Variants in UMODL1 observed in about 807,000 individuals in gnomAD.
UMODL1 encodes uromodulin like 1.
A neutral mutation model predicts 136.3 loss-of-function variants in UMODL1; 128 were observed. The ratio of observed to expected loss-of-function variants is 0.94; its 90% confidence interval spans 0.81 to 1.09. The LOEUF is 1.09. UMODL1 is among the 50% of genes least tolerant of loss of function. The pLI is 0.00. For missense variants in UMODL1, 1,766 were observed against 1,725.6 expected (o/e 1.02, Z -0.41); for synonymous variants, 721 against 720.0 (o/e 1.00, Z -0.02).
chr21:42,135,548 A>G (rs11910458), intron 21 of UMODL1, among the ~76,000 whole-genome samples: 30,644 of 151,844 alleles, frequency 0.2, 3,928 homozygotes, highest in African/African-American at 0.36. Flanking sequence ...TGGTCTTTCT[A>G]CTCTGCATCC....
In UMODL1 at chr21:42,102,359, A is replaced by G. The variant is rs59809464; in HGVS notation, c.1299+81A>G. On this transcript the variant is annotated intron_variant, in intron 8 of 22. Coordinates refer to ENST00000408910, the MANE Select transcript of UMODL1 (RefSeq NM_001004416.3). Reference sequence around the variant, plus strand: ...AAACACAAGCCGTTAATTCCTGCCCAGCTCTTCCTCTGGGATTGTGGCAAA... The same window carrying G: ...AAACACAAGCCGTTAATTCCTGCCCGGCTCTTCCTCTGGGATTGTGGCAAA... 4.3e-3 allele frequency: 4,742 copies of G among 1,099,162 alleles called. 125 individuals carry two copies. The African/African-American group carries it at 0.065, about 15-fold the overall frequency. The allele number at this position is 1,099,162 out of a possible 1,614,324, so 68.1% of individuals were successfully genotyped here.
In UMODL1 at chr21:42,123,016, C is replaced by A; in HGVS notation, c.3013C>A (p.Arg1005Ser). The change falls in exon 17 of 23, where the codon CGC (arginine) becomes AGC (serine). Residue 1005 changes from arginine to serine, a missense_variant. Coordinates refer to ENST00000408910, the MANE Select transcript of UMODL1 (RefSeq NM_001004416.3). The surrounding 1 kb of genome is among the most constrained non-coding windows in gnomAD (Gnocchi z 4.4). ...IEKVVVAIQK[R>S]FLQQESIPES... ...GAAGGTGGTTGTCGCCATCCAGAAG[C>A]GCTTCCTGCAGCAGGAATCCATCCC... 3.1e-6 allele frequency: 5 copies of A among 1,614,040 alleles called. No homozygotes were observed. The highest frequency in any genetic ancestry group is 4.2e-6 in the Non-Finnish European group (5 of 1,180,030).
chr21:42,082,365 C>A (rs12106286), intron 2 of UMODL1, among the ~76,000 whole-genome samples: 16,340 of 152,192 alleles, frequency 0.11, 950 homozygotes, highest in Middle Eastern at 0.18. Context: ...CCCACCCTCG[C>A]GGGGGTGAGT....
chr21:42,122,643 G>A lies in UMODL1; in HGVS notation c.2828-188G>A, dbSNP rs220152. On this transcript the variant is annotated intron_variant, in intron 16 of 22. Coordinates refer to ENST00000408910, the MANE Select transcript of UMODL1 (RefSeq NM_001004416.3). The surrounding 1 kb of genome is among the most constrained non-coding windows in gnomAD (Gnocchi z 4.3). ...TGTGTGTGCATGCACGTGTGTGTAC[G>A]TGTGTGTGCATATGTGTGCGTGTGT... Among the ~76,000 whole-genome samples the A allele has an allele frequency of 4.1e-5, 6 of 147,488 alleles. No homozygotes were observed. Among genetic ancestry groups the A allele is most frequent in the South Asian group, 4.3e-4 (2 of 4,674 alleles).
chr21:42,096,976 T>G (rs1040468853), intron 6 of UMODL1, among the ~76,000 whole-genome samples: 2 of 152,160 alleles, frequency 1.3e-5, no homozygotes. Context: ...GGCCAGGCAG[T>G]GAGTGGGGGG....
chr21:42,101,566 G>A (rs550280096), intron 7 of UMODL1: 2 of 376,338 alleles, frequency 5.3e-6, no homozygotes, highest in South Asian at 2.0e-5. Flanking sequence ...CGACGCTTGG[G>A]TTGTGCATGC....
chr21:42,086,460 C>A, intron 4 of UMODL1: 1 of 451,670 alleles, frequency 2.2e-6, no homozygotes, highest in Non-Finnish European at 4.4e-6. Flanking sequence ...GGCCAGTGAG[C>A]TGCTAGACAG....
At chr21:42,074,077 G>A (rs561457819) in intron 1 of UMODL1, among the ~76,000 whole-genome samples, 19 of 152,196 alleles carry the variant, frequency 1.2e-4, no homozygotes, top group East Asian at 3.9e-4. Flanking sequence ...CACAGCCTGC[G>A]TGGCTTAAAC....
chr21:42,122,486 G>C lies in UMODL1; in HGVS notation c.2828-345G>C, dbSNP rs549579068. ...CAGGTCCCTCGGTCCTTGGCCCTCG[G>C]GGGCCCATGGTGAGCCTGGATCCCT... On this transcript the variant is annotated intron_variant, in intron 16 of 22. Coordinates refer to ENST00000408910, the MANE Select transcript of UMODL1 (RefSeq NM_001004416.3). The surrounding 1 kb of genome is among the most constrained non-coding windows in gnomAD (Gnocchi z 4.3). Among the ~76,000 whole-genome samples the C allele has an allele frequency of 6.6e-6, 1 of 152,324 alleles. No homozygotes were observed. The highest frequency in any genetic ancestry group is 2.1e-4 in the South Asian group (1 of 4,830).
chr21:42,138,296 C>T (rs193049298), intron 22 of UMODL1, among the ~76,000 whole-genome samples: 1 of 152,278 alleles, frequency 6.6e-6, no homozygotes, highest in East Asian at 1.9e-4. Context: ...CGATGGTCCT[C>T]GGCCGAGTGT....
In UMODL1 at chr21:42,113,607, T is replaced by A; in HGVS notation, c.2139T>A (p.Asn713Lys). 1 of 1,614,100 alleles carries A rather than the reference T, an allele frequency of 6.2e-7. No individual in the cohort carries two copies. Residue 713 changes from asparagine to lysine, a missense_variant, in exon 13 of 23, where the codon AAT becomes AAA. Transcript: ENST00000408910. ...CCATTGGGAGGATCATGGTCTCCAA[T>A]GTGACCAGCACCGGCTTCCACCTGG... ...PVSIGRIMVS[N>K]VTSTGFHLAW...
In UMODL1 at chr21:42,140,846, C is replaced by A. The variant is rs1317084613; in HGVS notation, c.*22-1250C>A. ...GAACAACAGCGAAGTTTCAGTTCAA[C>A]TTTACACTCTAATAGTGAAAAATAA... On this transcript the variant is annotated intron_variant, in intron 22 of 22. Transcript: ENST00000408910. Among the ~76,000 whole-genome samples, 4 of 152,186 alleles carry A rather than the reference C, an allele frequency of 2.6e-5. No homozygotes were observed. The East Asian group carries it at 5.8e-4, about 22-fold the overall frequency.
rs1211937071 is a variant in UMODL1, at chr21:42,122,500, G to A, written c.2828-331G>A. On this transcript the variant is annotated intron_variant, in intron 16 of 22. Transcript: ENST00000408910. The surrounding 1 kb of genome is among the most constrained non-coding windows in gnomAD (Gnocchi z 4.3). The stretch of plus-strand genomic sequence containing the variant: ...CTTGGCCCTCGGGGGCCCATGGTGA[G>A]CCTGGATCCCTGAGCTGGTGGAAAT... 6.6e-6 allele frequency among the ~76,000 whole-genome samples: 1 copy of A among 152,216 alleles called. No homozygotes were observed. The highest frequency in any genetic ancestry group is 1.5e-5 in the Non-Finnish European group (1 of 68,034).
At chr21:42,108,232 C>T (rs539245891) in intron 9 of UMODL1, 238 of 471,896 alleles carry the variant, frequency 5.0e-4, no homozygotes, top group Non-Finnish European at 9.2e-4. Context: ...TGCTGTCCTC[C>T]GTGGACTGCA....
chr21:42,140,359 G>A (rs1400391296), intron 22 of UMODL1, among the ~76,000 whole-genome samples: 4 of 151,388 alleles, frequency 2.6e-5, no homozygotes, highest in Admixed American at 6.6e-5. Flanking sequence ...CCCAGGTCAC[G>A]TGGCTAGGAG....
chr21:42,088,153 A>G lies in UMODL1; in HGVS notation c.604-141A>G, dbSNP rs75210445. 250 of 794,370 alleles carry G rather than the reference A, an allele frequency of 3.1e-4. No homozygotes were observed. The African/African-American group carries it at 4.0e-3, about 13-fold the overall frequency. The allele number at this position is 794,370 out of a possible 1,614,324, so 49.2% of individuals were successfully genotyped here. A position where few individuals can be genotyped will look rare whatever the true frequency, so the allele number is the denominator to read the frequency against. ...TCTATTGGGATAGTGATGGATAGAT[A>G]AGTACTGTAGAGGTTCTTTGCTGAA... On this transcript the variant is annotated intron_variant, in intron 4 of 22. Transcript: ENST00000408910.
chr21:42,133,888 TTTTTGTTTTG>T lies in UMODL1; in HGVS notation c.3776-3527_3776-3518del, dbSNP rs375720686. ...AGGGTTAGGATTTCAATATATCTGT[TTTTTGTTTTG>T]TTTTGTTTTGTTTTGTTTTGTTTCG... On this transcript the variant is annotated intron_variant, in intron 21 of 22. Transcript: ENST00000408910. 2.5e-4 allele frequency among the ~76,000 whole-genome samples: 38 copies of T among 150,738 alleles called. No individual in the cohort carries two copies. In the East Asian group the frequency reaches 5.1e-3, roughly 20 times the overall value.
rs1421481925 is a variant in UMODL1 at position 42,075,989 on chromosome 21, G to T, written c.77-16G>T. On this transcript the variant is annotated splice_polypyrimidine_tract_variant and intron_variant, in intron 1 of 22. Transcript: ENST00000408910. Reference sequence around the variant, plus strand: ...TCCTGGTGTTCTCAGTCGCCTTCTTGCTTGGCCTCTTTCAGAAAAAGGCCT... The same window carrying T: ...TCCTGGTGTTCTCAGTCGCCTTCTTTCTTGGCCTCTTTCAGAAAAAGGCCT... 1.2e-6 allele frequency: 2 copies of T among 1,611,958 alleles called. No individual in the cohort carries two copies. The highest frequency in any genetic ancestry group is 4.5e-5 in the East Asian group (2 of 44,834).
chr21:42,063,156 C>T (rs928376371), exon 1 of UMODL1: 2 of 152,284 alleles, frequency 1.3e-5, no homozygotes, highest in African/African-American at 4.8e-5. Flanking sequence ...GATTTAGGTT[C>T]ACCTTAAATC....
Sources: allele counts gnomAD v4.1 joint callset (sites outside exome capture counted in the v4.1 genomes callset), GRCh38; gene constraint gnomAD v4.1.1; non-coding constraint Gnocchi (gnomAD v3.1); transcripts MANE v1.5; gene names NCBI Gene and HGNC (gene_info 2026-07-23, HGNC 2026-07-21).